Variants in UTY observed in about 807,000 individuals in gnomAD.
The protein encoded by UTY is ubiquitously transcribed tetratricopeptide repeat containing, Y-linked.
UTY carries 12 observed loss-of-function variants against 32.5 expected under a neutral mutation model. The ratio of observed to expected loss-of-function variants is 0.37; its 90% confidence interval spans 0.24 to 0.60. The LOEUF is 0.60. UTY is among the 20% of genes least tolerant of loss of function. The probability of loss-of-function intolerance (pLI) is 0.69; values close to 1 mark genes in which losing one functional copy is unlikely to be tolerated. For synonymous variants in UTY, 131 were observed against 103.4 expected, an observed-to-expected ratio of 1.27 and a Z score of -1.62; for missense variants, 303 against 299.2, an observed-to-expected ratio of 1.01 and a Z score of -0.09.
chrY:13,278,607 A>C (rs2056829775), intron 27 of UTY, among the ~76,000 whole-genome samples: 7 of 33,806 alleles, frequency 2.1e-4, no homozygotes, highest in African/African-American at 8.1e-4. Flanking sequence ...GGAGCCAGGC[A>C]GAACTTTCTG....
At chrY:13,433,612 C>G in intron 4 of UTY, among the ~76,000 whole-genome samples, 1 of 33,566 alleles carries the variant, frequency 3.0e-5, no homozygotes, top group Non-Finnish European at 7.4e-5. Flanking sequence ...AGATAAAACA[C>G]AAACAGTTCT....
chrY:13,367,772 C>T, intron 9 of UTY, among the ~76,000 whole-genome samples: 3 of 33,062 alleles, frequency 9.1e-5, no homozygotes, highest in Non-Finnish European at 1.5e-4. Flanking sequence ...AGGGGACTTG[C>T]TATATTCTAT....
chrY:13,455,305 T>G (rs999722005), intron 3 of UTY, among the ~76,000 whole-genome samples: 1 of 33,001 alleles, frequency 3.0e-5, no homozygotes, highest in African/African-American at 1.2e-4. Flanking sequence ...CACAAAACTT[T>G]AAAAAAAATG....
At chrY:13,252,663 G>A in intron 28 of UTY, among the ~76,000 whole-genome samples, 1 of 33,895 alleles carries the variant, frequency 3.0e-5, no homozygotes, top group Admixed American at 2.7e-4. Context: ...ACAGGAATGA[G>A]GGCAAGGAAC....
intron 17 of UTY, among the ~76,000 whole-genome samples, chrY:13,347,894 C>T: frequency 3.0e-5 from 1 of 33,151 alleles, no homozygotes; most frequent in Non-Finnish European, 7.4e-5. Context: ...TCCTACCCTA[C>T]CAATTCTGAC....
intron 21 of UTY, among the ~76,000 whole-genome samples, chrY:13,311,594 C>CA (rs1156937845): frequency 4.6e-3 from 54 of 11,687 alleles, no homozygotes; most frequent in Admixed American, 8.5e-3. Flanking sequence ...GACTCTGTCT[C>CA]AAAAAAAAAA....
chrY:13,338,703 A>G (rs772255592), intron 17 of UTY, among the ~76,000 whole-genome samples: 29 of 32,868 alleles, frequency 8.8e-4, no homozygotes, highest in African/African-American at 3.1e-3. Flanking sequence ...TTGAGTGAAG[A>G]AGGAATCAAC....
At chrY:13,411,455 C>T in intron 5 of UTY, among the ~76,000 whole-genome samples, 1 of 33,395 alleles carries the variant, frequency 3.0e-5, no homozygotes, top group African/African-American at 1.2e-4. Context: ...TATAAGCCAA[C>T]TTTTTAAAAC....
At chrY:13,474,331 T>C (rs2078833059) in intron 2 of UTY, among the ~76,000 whole-genome samples, 1 of 32,450 alleles carries the variant, frequency 3.1e-5, no homozygotes, top group South Asian at 6.9e-4. Context: ...ATAGGACATA[T>C]GTACAAAGTG....
At chrY:13,363,716 G>A in intron 10 of UTY, among the ~76,000 whole-genome samples, 1 of 33,459 alleles carries the variant, frequency 3.0e-5, no homozygotes, top group Non-Finnish European at 7.4e-5. Context: ...CACCTGCTCC[G>A]TTTGGTAATT....
intron 6 of UTY, among the ~76,000 whole-genome samples, chrY:13,409,327 A>ACTC (rs2070542554): frequency 6.1e-5 from 2 of 32,981 alleles, no homozygotes; most frequent in Non-Finnish European, 1.5e-4. Context: ...GGACTTAGGG[A>ACTC]CTCCTCAGCT....
intron 19 of UTY, 93 bp from the exon 20 acceptor site, chrY:13,324,799 C>G: frequency 2.4e-5 from 5 of 209,075 alleles, no homozygotes; most frequent in Non-Finnish European, 3.8e-5. Flanking sequence ...TACAATACTT[C>G]AAATTTGTGA....
At chrY:13,372,501 A>T in intron 8 of UTY, among the ~76,000 whole-genome samples, 3 of 33,080 alleles carry the variant, frequency 9.1e-5, no homozygotes, top group African/African-American at 3.5e-4. Context: ...TAAAACTCTT[A>T]AAAAAAATTG....
At chrY:13,474,700 T>C (rs1013910299) in intron 2 of UTY, among the ~76,000 whole-genome samples, 2 of 33,962 alleles carry the variant, frequency 5.9e-5, no homozygotes, top group Non-Finnish European at 1.5e-4. Flanking sequence ...ATCTGTATTC[T>C]ATTCTCTGAA....
chrY:13,282,402 C>G, intron 27 of UTY, among the ~76,000 whole-genome samples: 1 of 33,158 alleles, frequency 3.0e-5, no homozygotes, highest in African/African-American at 1.2e-4. Flanking sequence ...CAGCCTGGCA[C>G]CAGGCCTGAA....
At chrY:13,471,287 A>G in intron 2 of UTY, among the ~76,000 whole-genome samples, 1 of 33,924 alleles carries the variant, frequency 2.9e-5, no homozygotes, top group African/African-American at 1.1e-4. Flanking sequence ...AAAGCATAGT[A>G]TATTTTTCAC....
At chrY:13,411,383 C>T (rs1010266817) in intron 5 of UTY, among the ~76,000 whole-genome samples, 3 of 33,996 alleles carry the variant, frequency 8.8e-5, no homozygotes, top group Admixed American at 7.9e-4. Context: ...CAAGGAAGAA[C>T]AGCAGGAAAA....
chrY:13,478,052 A>T, intron 2 of UTY, among the ~76,000 whole-genome samples: 1 of 33,920 alleles, frequency 2.9e-5, no homozygotes, highest in Non-Finnish European at 7.3e-5. Flanking sequence ...TATAGGTAAA[A>T]GAACTCAGCG....
chrY:13,267,596 T>G (rs754082296), intron 27 of UTY, among the ~76,000 whole-genome samples: 3 of 33,884 alleles, frequency 8.9e-5, no homozygotes, highest in Non-Finnish European at 2.2e-4. Context: ...TTAATGCAGT[T>G]TCTTCATAGT....
Sources: allele counts gnomAD v4.1 joint callset (sites outside exome capture counted in the v4.1 genomes callset), GRCh38; gene constraint gnomAD v4.1.1; transcripts MANE v1.5; gene names NCBI Gene and HGNC (gene_info 2026-07-23, HGNC 2026-07-21).